Variants in PARVB observed in about 807,000 individuals in gnomAD.
The protein encoded by PARVB is beta-parvin.
PARVB carries 46 observed loss-of-function variants against 47.0 expected under a neutral mutation model. The ratio of observed to expected loss-of-function variants is 0.98; its 90% CI spans 0.77 to 1.25. PARVB has a LOEUF of 1.25. Among genes scored for constraint, PARVB ranks in the 50% most tolerant of loss-of-function variants. The probability of loss-of-function intolerance (pLI) is 0.00; values close to 1 mark genes in which losing one functional copy is unlikely to be tolerated. For synonymous variants in PARVB, 196 were observed against 196.3 expected, an observed-to-expected ratio of 1.00 and a Z score of 0.01; for missense variants, 473 against 471.6, an observed-to-expected ratio of 1.00 and a Z score of -0.03.
intron 1 of PARVB, among the ~76,000 whole-genome samples, chr22:44,057,101 T>C (rs1442370713): frequency 6.6e-6 from 1 of 151,876 alleles, no homozygotes; most frequent in Non-Finnish European, 1.5e-5. Context: ...CTTTTTTTTT[T>C]GTCCTGCGTG....
intron 1 of PARVB, among the ~76,000 whole-genome samples, chr22:44,084,661 CA>C (rs1285044200): frequency 6.6e-6 from 1 of 152,236 alleles, no homozygotes; most frequent in Non-Finnish European, 1.5e-5. Flanking sequence ...TATTATTCTG[CA>C]GTCATCTGTG....
intron 1 of PARVB, among the ~76,000 whole-genome samples, chr22:44,044,391 C>T (rs1250887066): frequency 2.6e-5 from 4 of 152,030 alleles, no homozygotes; most frequent in South Asian, 4.1e-4. Flanking sequence ...AGGGTTTCAC[C>T]GTGTTAGCCA....
chr22:44,002,482 G>A lies in PARVB; in HGVS notation c.211+2809G>A, dbSNP rs547666052. Among the ~76,000 whole-genome samples, 5 of 152,336 alleles carry A rather than the reference G, an allele frequency of 3.3e-5. No homozygotes were observed. In the East Asian group the frequency reaches 9.7e-4, roughly 29 times the overall value. ...GAAACAAAAGCGAAGTGCCTGGCAC[G>A]TGGTAGGAACTCAGAAGTGGCAGGA... On this transcript the variant is annotated intron_variant, in intron 2 of 13. Transcript: ENST00000406477.
At chr22:44,000,048 C>T (rs1297053244) in intron 2 of PARVB, among the ~76,000 whole-genome samples, 3 of 152,048 alleles carry the variant, frequency 2.0e-5, no homozygotes, top group Non-Finnish European at 4.4e-5. Flanking sequence ...AGCCCAGGGT[C>T]AGGGGCCCTG....
chr22:44,141,731 T>A (rs1291628747), intron 8 of PARVB: 1 of 152,214 alleles, frequency 6.6e-6, no homozygotes, highest in Non-Finnish European at 1.5e-5. Flanking sequence ...AGCCAGCGTG[T>A]CCCCCCTAGG....
At chr22:44,047,836 TAATCTACTTGTGTATGTGTATTGGTGGAC>T (rs1259387352) in intron 1 of PARVB, among the ~76,000 whole-genome samples, 1 of 152,168 alleles carries the variant, frequency 6.6e-6, no homozygotes, top group Non-Finnish European at 1.5e-5. Context: ...GACGTTGGTG[TAATCTACTTGTGTATGTGTATTGGTGGAC>T]AAAGGGGATG....
intron 4 of PARVB, among the ~76,000 whole-genome samples, chr22:44,127,958 G>A (rs1425296765): frequency 6.6e-6 from 1 of 152,036 alleles, no homozygotes; most frequent in African/African-American, 2.4e-5. Context: ...GATAATTTTT[G>A]TATTTTCTGT....
intron 3 of PARVB, among the ~76,000 whole-genome samples, chr22:44,100,588 G>T (rs989318616): frequency 6.6e-6 from 1 of 152,100 alleles, no homozygotes; most frequent in Non-Finnish European, 1.5e-5. Context: ...TTTCCACCAC[G>T]TCTGGAGGCG....
At chr22:44,101,709 C>T (rs1462416441) in intron 3 of PARVB, among the ~76,000 whole-genome samples, 1 of 151,006 alleles carries the variant, frequency 6.6e-6, no homozygotes, top group African/African-American at 2.4e-5. Context: ...GATCTCGCCA[C>T]TGCACTCCAG....
At chr22:43,999,249 A>G (rs2050386313) in exon 1 of PARVB, 1 of 1,015,742 alleles carries the variant, frequency 9.8e-7, no homozygotes, top group Admixed American at 2.7e-5. Flanking sequence ...CATCTCCGGC[A>G]GCTCCTTAAA....
chr22:44,133,509 T>C (rs2053376004), intron 6 of PARVB, among the ~76,000 whole-genome samples: 1 of 152,238 alleles, frequency 6.6e-6, no homozygotes, highest in Admixed American at 6.5e-5. Flanking sequence ...GAGTTACCTT[T>C]CTCTTGCTAT....
At chr22:44,088,419 A>G (rs1402786823) in intron 1 of PARVB, among the ~76,000 whole-genome samples, 2 of 152,140 alleles carry the variant, frequency 1.3e-5, no homozygotes, top group African/African-American at 4.8e-5. Flanking sequence ...GGGGCTTCAC[A>G]TCTAACAGCA....
chr22:44,148,262 T>C (rs994592988), intron 9 of PARVB: 8 of 368,224 alleles, frequency 2.2e-5, no homozygotes, highest in African/African-American at 1.7e-4. Flanking sequence ...TCATTTACCA[T>C]CTACAGCCTG....
At chr22:44,098,548 C>T (rs1324354996) in intron 2 of PARVB, among the ~76,000 whole-genome samples, 8 of 152,192 alleles carry the variant, frequency 5.3e-5, no homozygotes, top group Middle Eastern at 6.8e-3. Context: ...GGAAATGAGG[C>T]GGGAGAGGGG....
chr22:44,021,219 G>A (rs2050644025), upstream of PARVB, among the ~76,000 whole-genome samples: 2 of 152,206 alleles, frequency 1.3e-5, no homozygotes, highest in African/African-American at 2.4e-5. Context: ...AGGCCTGTCT[G>A]TATAGCATTT....
chr22:44,102,053 G>C (rs1464912937), intron 3 of PARVB, among the ~76,000 whole-genome samples: 1 of 152,164 alleles, frequency 6.6e-6, no homozygotes, highest in African/African-American at 2.4e-5. Context: ...GACTACGGAG[G>C]CTGAGAAGTC....
chr22:44,102,219 C>T (rs1239379519), intron 3 of PARVB, among the ~76,000 whole-genome samples: 1 of 152,136 alleles, frequency 6.6e-6, no homozygotes, highest in East Asian at 1.9e-4. Flanking sequence ...CAACTTCCTC[C>T]ACCTTTTTGT....
intron 1 of PARVB, among the ~76,000 whole-genome samples, chr22:44,055,678 C>CTCTCTCTCTCTCTCTCTCTCTCTATATA (rs1438284048): frequency 2.8e-5 from 4 of 142,762 alleles, no homozygotes; most frequent in African/African-American, 1.1e-4. Context: ...CTCTCTCTCT[C>CTCTCTCTCTCTCTCTCTCTCTCTATATA]TATATATATA....
In PARVB at chr22:44,125,575, C is replaced by G. The variant is rs1169810788; in HGVS notation, c.377-5912C>G. Among the ~76,000 whole-genome samples the G allele has an allele frequency of 6.6e-6, 1 of 152,080 alleles. No individual in the cohort carries two copies. Among genetic ancestry groups the G allele is most frequent in the African/African-American group, 2.4e-5 (1 of 41,386 alleles). ...GGGAAGGGCGTTCTGGGCTGAGGCT[C>G]TAAAGCGAGAAAGAGCCTGTTGTGT... On this transcript the variant is annotated intron_variant, in intron 4 of 12. Transcript: ENST00000338758. This position sits in a 1 kb window ranked among gnomAD's most constrained non-coding sequence, Gnocchi z 4.1.
Sources: allele counts gnomAD v4.1 joint callset (sites outside exome capture counted in the v4.1 genomes callset), GRCh38; gene constraint gnomAD v4.1.1; non-coding constraint Gnocchi (gnomAD v3.1); transcripts MANE v1.5; gene names NCBI Gene and HGNC (gene_info 2026-07-23, HGNC 2026-07-21).